The following NLK variants were observed in gnomAD, a reference collection of about 807,000 sequenced individuals.
The protein encoded by NLK is nemo like kinase, also known as serine/threonine-protein kinase NLK.
In NLK, 11 loss-of-function variants were observed where a neutral mutation model predicts 59.0. That is an observed-to-expected ratio of 0.19 (90% confidence interval 0.12 to 0.31). The LOEUF is 0.31. Among genes scored for constraint, NLK ranks in the 10% least tolerant of loss-of-function variants. The probability of loss-of-function intolerance (pLI) is 1.00; values close to 1 mark genes in which losing one functional copy is unlikely to be tolerated. For missense variants in NLK, 410 were observed against 661.1 expected (o/e 0.62, Z 4.16); for synonymous variants, 235 against 235.9 (o/e 1.00, Z 0.03).
intron 7 of NLK, among the ~76,000 whole-genome samples, chr17:28,181,756 A>T (rs760423127): frequency 3.9e-5 from 6 of 152,098 alleles, no homozygotes; most frequent in Non-Finnish European, 5.9e-5. Context: ...ACCTGTACAA[A>T]TCCCAGCACT....
intron 3 of NLK, among the ~76,000 whole-genome samples, chr17:28,148,115 T>C (rs1434419587): frequency 6.6e-6 from 1 of 152,136 alleles, no homozygotes; most frequent in Non-Finnish European, 1.5e-5. Flanking sequence ...TATCTAATGA[T>C]TCCCAAACTT....
At chr17:28,113,904 T>G (rs1182538879) in intron 1 of NLK, among the ~76,000 whole-genome samples, 1 of 152,210 alleles carries the variant, frequency 6.6e-6, no homozygotes, top group African/African-American at 2.4e-5. Flanking sequence ...TCCCGACAGT[T>G]TCTATCTCCT....
intron 1 of NLK, among the ~76,000 whole-genome samples, chr17:28,099,100 C>T (rs1028228487): frequency 2.0e-5 from 3 of 152,088 alleles, no homozygotes; most frequent in Admixed American, 6.5e-5. Context: ...GATAATACAA[C>T]GCCAAAATAC....
chr17:28,189,143 A>AC (rs1423559478), intron 8 of NLK, among the ~76,000 whole-genome samples: 2 of 151,802 alleles, frequency 1.3e-5, no homozygotes. Flanking sequence ...GGGAAAAAAG[A>AC]CCCCCAGCCT....
At chr17:28,130,266 C>T (rs115390648) in intron 2 of NLK, among the ~76,000 whole-genome samples, 3,088 of 152,082 alleles carry the variant, frequency 0.02, 99 homozygotes, top group African/African-American at 0.069. Flanking sequence ...CGAACTCTGC[C>T]ACTATACCTT....
intron 3 of NLK, among the ~76,000 whole-genome samples, chr17:28,157,189 A>T (rs1288097275): frequency 6.9e-6 from 1 of 144,890 alleles, no homozygotes; most frequent in East Asian, 2.0e-4. Context: ...CCTATTTCTT[A>T]AAAAAAAAAT....
chr17:28,104,330 C>A (rs1380704394), intron 1 of NLK, among the ~76,000 whole-genome samples: 1 of 152,160 alleles, frequency 6.6e-6, no homozygotes. Context: ...TCTCGGCTCA[C>A]TGCAACATCC....
chr17:28,053,815 T>G (rs1005611362), intron 1 of NLK, among the ~76,000 whole-genome samples: 1 of 152,252 alleles, frequency 6.6e-6, no homozygotes, highest in African/African-American at 2.4e-5. Flanking sequence ...ATTTTCTTAA[T>G]GTACCATGGC....
At chr17:28,197,325 C>T (rs1404670500), downstream of NLK, among the ~76,000 whole-genome samples, 1 of 151,988 alleles carries the variant, frequency 6.6e-6, no homozygotes, top group Non-Finnish European at 1.5e-5. Context: ...AAAAATTAGC[C>T]AGGCATGGTG....
intron 1 of NLK, among the ~76,000 whole-genome samples, chr17:28,111,080 G>T (rs1039113680): frequency 6.6e-6 from 1 of 152,034 alleles, no homozygotes; most frequent in Non-Finnish European, 1.5e-5. Context: ...TCCTGACCTC[G>T]TGATCCGCCC....
intron 1 of NLK, among the ~76,000 whole-genome samples, chr17:28,075,258 A>G (rs909302679): frequency 7.2e-5 from 11 of 152,330 alleles, no homozygotes; most frequent in African/African-American, 2.6e-4. Context: ...ACCTCTCTCT[A>G]AGGTGATTCG....
chr17:28,085,140 A>C (rs1048805740), intron 1 of NLK, among the ~76,000 whole-genome samples: 2 of 152,196 alleles, frequency 1.3e-5, no homozygotes, highest in African/African-American at 4.8e-5. Flanking sequence ...CTTTATTTCA[A>C]GTGCCCAAGA....
intron 1 of NLK, among the ~76,000 whole-genome samples, chr17:28,056,948 T>C (rs1909463173): frequency 1.7e-5 from 2 of 116,024 alleles, no homozygotes; most frequent in South Asian, 2.6e-4. Context: ...ATTACCTACC[T>C]TTTTTTTTTT....
intron 3 of NLK, among the ~76,000 whole-genome samples, chr17:28,160,903 T>G: frequency 6.6e-6 from 1 of 152,246 alleles, no homozygotes; most frequent in East Asian, 1.9e-4. Flanking sequence ...TGTTTACCTT[T>G]GGTTTTCTCT....
intron 3 of NLK, among the ~76,000 whole-genome samples, chr17:28,137,734 A>G (rs1906817471): frequency 6.6e-6 from 1 of 152,068 alleles, no homozygotes; most frequent in African/African-American, 2.4e-5. Flanking sequence ...AACACCATGC[A>G]TTTTTAGATA....
At chr17:28,142,900 C>T (rs1907068581) in intron 3 of NLK, among the ~76,000 whole-genome samples, 1 of 152,142 alleles carries the variant, frequency 6.6e-6, no homozygotes, top group Non-Finnish European at 1.5e-5. Flanking sequence ...CATTCATATA[C>T]TTGTCATAAG....
intron 5 of NLK, among the ~76,000 whole-genome samples, chr17:28,165,496 A>G (rs1053925707): frequency 2.6e-5 from 4 of 152,234 alleles, no homozygotes; most frequent in African/African-American, 7.2e-5. Context: ...CTACTTTTAA[A>G]AAGCCAGAAT....
chr17:28,202,375 G>A, the NLK span, among the ~76,000 whole-genome samples: 3 of 151,092 alleles, frequency 2.0e-5, no homozygotes, highest in Admixed American at 1.3e-4. Context: ...CTGCCTGGGC[G>A]GTCTCAAACT....
intron 3 of NLK, among the ~76,000 whole-genome samples, chr17:28,137,504 T>C (rs1237024520): frequency 6.6e-6 from 1 of 152,174 alleles, no homozygotes; most frequent in Non-Finnish European, 1.5e-5. Context: ...CAAGTTTTAA[T>C]AGACAAACAT....
Sources: gnomAD v4.1 joint callset for allele counts (sites outside exome capture counted in the v4.1 genomes callset) on GRCh38, gnomAD v4.1.1 for gene constraint, MANE v1.5 for transcripts, NCBI Gene and HGNC (gene_info 2026-07-23, HGNC 2026-07-21) for gene names.